Variants in TTC27 observed in about 807,000 individuals in gnomAD.
TTC27 encodes the protein tetratricopeptide repeat domain 27.
A neutral mutation model predicts 115.9 loss-of-function variants in TTC27; 79 were observed. That is an observed-to-expected ratio of 0.68 (90% CI 0.57 to 0.82). TTC27 has a LOEUF of 0.82. Ranked by LOEUF, TTC27 falls within the 40% of genes least tolerant of loss-of-function variation. The probability of loss-of-function intolerance (pLI) is 0.00; values close to 1 mark genes in which losing one functional copy is unlikely to be tolerated. For missense variants in TTC27, 1,054 were observed against 993.1 expected (o/e 1.06, Z -0.82); for synonymous variants, 401 against 356.0 (o/e 1.13, Z -1.42).
At chr2:32,687,807 C>A (rs1377115127) in intron 9 of TTC27, among the ~76,000 whole-genome samples, 1 of 151,982 alleles carries the variant, frequency 6.6e-6, no homozygotes, top group Non-Finnish European at 1.5e-5. Flanking sequence ...GTACATGAAA[C>A]AAAAATGGAT....
intron 9 of TTC27, among the ~76,000 whole-genome samples, chr2:32,697,044 T>A (rs1667011215): frequency 6.6e-6 from 1 of 152,030 alleles, no homozygotes; most frequent in Non-Finnish European, 1.5e-5. Flanking sequence ...TTAAAATAAT[T>A]AGCCAGGTGT....
At chr2:32,660,410 T>C (rs1665497928) in intron 5 of TTC27, among the ~76,000 whole-genome samples, 2 of 152,120 alleles carry the variant, frequency 1.3e-5, no homozygotes. Flanking sequence ...TGGAATACCA[T>C]GCGGCTATAA....
chr2:32,700,127 A>G (rs1217984955), intron 9 of TTC27, among the ~76,000 whole-genome samples: 2 of 152,198 alleles, frequency 1.3e-5, no homozygotes, highest in Non-Finnish European at 2.9e-5. Context: ...GGGTGAGTGT[A>G]AACGCTGGAG....
At position 32,805,286 on chromosome 2, in the gene TTC27, G is replaced by A. The variant is rs112341967; in HGVS notation, c.1999-5738G>A. Among the ~76,000 whole-genome samples, 1,523 of 152,310 alleles carry A rather than the reference G, an allele frequency of 1.0e-2. 16 individuals are homozygous for A. The highest frequency in any genetic ancestry group is 0.031 in the Middle Eastern group (9 of 294). On this transcript the variant is annotated intron_variant, in intron 16 of 19. Coordinates refer to ENST00000317907, the MANE Select transcript of TTC27 (RefSeq NM_017735.5). The stretch of plus-strand genomic sequence containing the variant: ...GTGCTCACAGAGCATGTGGCACATA[G>A]GAAGGGCTATATATGTAAGAGGTGT...
At chr2:32,795,452 C>T (rs1670665415) in intron 16 of TTC27, among the ~76,000 whole-genome samples, 1 of 151,848 alleles carries the variant, frequency 6.6e-6, no homozygotes, top group Non-Finnish European at 1.5e-5. Flanking sequence ...AAGGAAGCAG[C>T]CTCGACATAA....
chr2:32,654,061 A>T lies in TTC27; in HGVS notation c.640+3828A>T, dbSNP rs77916471. On this transcript the variant is annotated intron_variant, in intron 5 of 19. Transcript: ENST00000317907. ...TTCCATATCTACAGCTTTTATCCTA[A>T]TCTGAAATCTTTAGTTTGGAAAGGC... 1.1e-4 allele frequency among the ~76,000 whole-genome samples: 17 copies of T among 152,226 alleles called. No individual in the cohort carries two copies. In the East Asian group the frequency reaches 3.3e-3, roughly 29 times the overall value.
intron 15 of TTC27, among the ~76,000 whole-genome samples, chr2:32,784,492 A>G (rs1360947369): frequency 6.6e-6 from 1 of 152,230 alleles, no homozygotes; most frequent in Non-Finnish European, 1.5e-5. Flanking sequence ...TTGTGGTCAC[A>G]AGATTCTTCA....
chr2:32,805,009 A>G (rs114931862), intron 16 of TTC27, among the ~76,000 whole-genome samples: 1 of 152,318 alleles, frequency 6.6e-6, no homozygotes, highest in Non-Finnish European at 1.5e-5. Flanking sequence ...TAAAAGAGAA[A>G]CCTTTCCAAT....
chr2:32,754,955 G>A (rs558285127), intron 12 of TTC27, among the ~76,000 whole-genome samples: 2 of 151,698 alleles, frequency 1.3e-5, no homozygotes, highest in Admixed American at 6.6e-5. Flanking sequence ...GCGGCTGCTG[G>A]GTGGAGGGGC....
At chr2:32,788,326 G>C (rs1670416029) in intron 16 of TTC27, among the ~76,000 whole-genome samples, 1 of 152,030 alleles carries the variant, frequency 6.6e-6, no homozygotes, top group Admixed American at 6.5e-5. Flanking sequence ...ATCACACACT[G>C]TCAGAGCAAA....
chr2:32,742,244 A>T (rs144669530), intron 12 of TTC27, among the ~76,000 whole-genome samples: 1 of 152,328 alleles, frequency 6.6e-6, no homozygotes, highest in East Asian at 1.9e-4. Context: ...ATCCCTTAAA[A>T]ATTGGATATT....
chr2:32,725,767 A>C (rs1323052233), intron 10 of TTC27, among the ~76,000 whole-genome samples: 1 of 152,172 alleles, frequency 6.6e-6, no homozygotes, highest in African/African-American at 2.4e-5. Context: ...CCGACCCCAC[A>C]TTTCCCTTCT....
At position 32,820,840 on chromosome 2, in the gene TTC27, G is replaced by A. The variant is rs1370007873; in HGVS notation, c.2434G>A (p.Gly812Arg). 6.5e-7 allele frequency: 1 copy of A among 1,538,230 alleles called. No homozygotes were observed. Reference protein sequence around the residue: ...AKQLFTDVATGEMSRELADDI... With the variant: ...AKQLFTDVATREMSRELADDI... The stretch of plus-strand genomic sequence containing the variant: ...GCAACTTTTTACAGATGTGGCAACT[G>A]GAGAAATGTCCAGGGAATTAGCTGA... The change falls in exon 20 of 20, where the codon GGA becomes AGA. Residue 812 changes from glycine to arginine, a missense_variant. Gly to Arg is a moderately radical substitution (Grantham distance 125). Coordinates refer to ENST00000317907, the MANE Select transcript of TTC27 (RefSeq NM_017735.5).
At chr2:32,772,915 G>A (rs1431832616) in intron 13 of TTC27, among the ~76,000 whole-genome samples, 1 of 152,062 alleles carries the variant, frequency 6.6e-6, no homozygotes, top group East Asian at 1.9e-4. Flanking sequence ...TCACACTTGG[G>A]GAACTGAGAC....
intron 7 of TTC27, among the ~76,000 whole-genome samples, chr2:32,668,386 A>G (rs1043504408): frequency 6.6e-6 from 1 of 151,898 alleles, no homozygotes; most frequent in Non-Finnish European, 1.5e-5. Flanking sequence ...GAAAAAAAAA[A>G]AAAAGAAAAG....
intron 14 of TTC27, 114 bp from the exon 15 acceptor site, chr2:32,782,512 A>T (rs1458803519): frequency 2.9e-6 from 2 of 687,314 alleles, no homozygotes; most frequent in African/African-American, 3.6e-5. Flanking sequence ...CTTATTGAAA[A>T]TTGTGGTTTT....
At chr2:32,639,132 C>G (rs1243700153) in intron 3 of TTC27, among the ~76,000 whole-genome samples, 1 of 152,124 alleles carries the variant, frequency 6.6e-6, no homozygotes, top group Non-Finnish European at 1.5e-5. Flanking sequence ...GTGCCCGGCC[C>G]AGTTATTTCA....
chr2:32,778,978 C>A (rs984481628), intron 14 of TTC27, among the ~76,000 whole-genome samples: 1 of 152,198 alleles, frequency 6.6e-6, no homozygotes, highest in African/African-American at 2.4e-5. Context: ...AATCCCAACA[C>A]TTTGGGAGGC....
In TTC27 at chr2:32,812,509, C is replaced by G; in HGVS notation, c.2202C>G (p.Phe734Leu). 1 of 1,606,282 alleles carries G rather than the reference C, an allele frequency of 6.2e-7. No individual in the cohort carries two copies. Among genetic ancestry groups the G allele is most frequent in the East Asian group, 2.2e-5 (1 of 44,830 alleles). Reference sequence around the variant, plus strand: ...TGTTCTTTCTCCTTCCTCAGGCATTCCAGTGCCTCTCAAAGGCATACAAGT... The same window carrying G: ...TGTTCTTTCTCCTTCCTCAGGCATTGCAGTGCCTCTCAAAGGCATACAAGT... ...SEKPDENEKA[F>L]QCLSKAYKCD... Residue 734 changes from phenylalanine to leucine, a missense_variant, in exon 18 of 20, where the codon TTC becomes TTG. Coordinates refer to ENST00000317907, the MANE Select transcript of TTC27 (RefSeq NM_017735.5).
Sources: allele counts gnomAD v4.1 joint callset (sites outside exome capture counted in the v4.1 genomes callset), GRCh38; gene constraint gnomAD v4.1.1; transcripts MANE v1.5; gene names NCBI Gene and HGNC (gene_info 2026-07-23, HGNC 2026-07-21).